Variants in KCND3 observed in about 807,000 individuals in gnomAD.
KCND3 encodes the protein A-type voltage-gated potassium channel KCND3.
Under a neutral mutation model 51.1 loss-of-function variants are expected in KCND3, and 9 were observed. The ratio of observed to expected loss-of-function variants is 0.18; its 90% CI spans 0.11 to 0.31. KCND3 has a LOEUF of 0.31. Ranked by LOEUF, KCND3 falls within the 10% of genes least tolerant of loss-of-function variation. The probability of loss-of-function intolerance (pLI) is 1.00; values close to 1 mark genes in which losing one functional copy is unlikely to be tolerated. For synonymous variants in KCND3, 349 were observed against 368.0 expected (o/e 0.95, Z 0.59); for missense variants, 526 against 903.8 (o/e 0.58, Z 5.36).
chr1:111,959,855 T>C (rs1049539432), intron 2 of KCND3, among the ~76,000 whole-genome samples: 1 of 152,128 alleles, frequency 6.6e-6, no homozygotes, highest in Non-Finnish European at 1.5e-5. Flanking sequence ...TCTTGAATTG[T>C]AGTTCCCGTA....
chr1:111,869,311 C>A (rs548995226), intron 2 of KCND3, among the ~76,000 whole-genome samples: 3 of 152,312 alleles, frequency 2.0e-5, no homozygotes, highest in African/African-American at 7.2e-5. Flanking sequence ...CTCCTGCCAC[C>A]TCTAGGACCC....
chr1:111,857,207 G>C (rs901782096), intron 2 of KCND3, among the ~76,000 whole-genome samples: 2 of 152,224 alleles, frequency 1.3e-5, no homozygotes, highest in African/African-American at 4.8e-5. Flanking sequence ...CAGCAGCCCT[G>C]TATGGTTTCT....
At chr1:111,975,253 G>A (rs1055411050) in intron 2 of KCND3, among the ~76,000 whole-genome samples, 3 of 152,182 alleles carry the variant, frequency 2.0e-5, no homozygotes, top group Non-Finnish European at 2.9e-5. Flanking sequence ...GCTCTGGCTG[G>A]TTTGTTACAT....
At chr1:111,851,361 G>A (rs940583499) in intron 2 of KCND3, among the ~76,000 whole-genome samples, 19 of 152,218 alleles carry the variant, frequency 1.2e-4, no homozygotes, top group African/African-American at 4.6e-4. Flanking sequence ...TGAGCGCAGT[G>A]TGAGTCTTCC....
At chr1:111,955,694 G>GT (rs1272567704) in intron 2 of KCND3, among the ~76,000 whole-genome samples, 11 of 152,178 alleles carry the variant, frequency 7.2e-5, no homozygotes, top group African/African-American at 2.2e-4. Context: ...TCCAATAAAG[G>GT]TTTTTTAGAA....
intron 2 of KCND3, among the ~76,000 whole-genome samples, chr1:111,845,020 T>G (rs1667484259): frequency 1.3e-5 from 2 of 152,210 alleles, no homozygotes; most frequent in African/African-American, 4.8e-5. Flanking sequence ...TAGCCCAGGT[T>G]CTTCAGTGCA....
At position 111,960,768 on chromosome 1, in the gene KCND3, G is replaced by A. The variant is rs533848373; in HGVS notation, c.1106+20853C>T. ...ACCCCTTCTCTATTAGGATGGGAAT[G>A]AGCTTAAGTCCTCAGGGATGAGGGG... On this transcript the variant is annotated intron_variant, in intron 2 of 7. Coordinates refer to ENST00000302127, the MANE Select transcript of KCND3 (RefSeq NM_001378969.1). Among the ~76,000 whole-genome samples, 5 of 152,364 alleles carry A rather than the reference G, an allele frequency of 3.3e-5. No individual in the cohort carries two copies. In the East Asian group the frequency reaches 5.8e-4, roughly 18 times the overall value.
chr1:111,982,298 G>A lies in KCND3; in HGVS notation c.429C>T (p.Asn143=), dbSNP rs1447033826. The A allele has an allele frequency of 5.0e-6, 8 of 1,613,994 alleles. No individual in the cohort carries two copies. The highest frequency in any genetic ancestry group is 2.7e-5 in the African/African-American group (2 of 74,898). Residue 143 remains asparagine, a synonymous_variant, in exon 2 of 8, where the codon AAC becomes AAT. Transcript: ENST00000302127. The surrounding 1 kb of genome is among the most constrained non-coding windows in gnomAD (Gnocchi z 8.5). ...YEEYKDRKRE[N]AERLMDDNDS... is the part of the protein sequence containing the mutation. ...CGTTGTCGTCCATGAGCCGCTCGGCGTTCTCCCTCTTGCGGTCCTTGTACT... is the reference window on the plus strand; with the variant it reads ...CGTTGTCGTCCATGAGCCGCTCGGCATTCTCCCTCTTGCGGTCCTTGTACT...
At chr1:111,975,859 T>C (rs1190036960) in intron 2 of KCND3, among the ~76,000 whole-genome samples, 2 of 152,200 alleles carry the variant, frequency 1.3e-5, no homozygotes, top group Non-Finnish European at 2.9e-5. Flanking sequence ...TTGCATCTGC[T>C]ATTCCCTCTG....
chr1:111,966,981 A>C (rs1341694120), intron 2 of KCND3, among the ~76,000 whole-genome samples: 3 of 151,972 alleles, frequency 2.0e-5, no homozygotes, highest in Non-Finnish European at 4.4e-5. Flanking sequence ...TCACTACTAA[A>C]AATACAAAAA....
intron 1 of KCND3, chr1:111,988,786 G>C (rs1293087526): frequency 2.0e-5 from 3 of 152,162 alleles, no homozygotes; most frequent in Non-Finnish European, 4.4e-5. Context: ...TGGAACCTCA[G>C]CCTGTTGCTG....
At chr1:111,805,416 C>G (rs960436208) in intron 2 of KCND3, among the ~76,000 whole-genome samples, 10 of 152,222 alleles carry the variant, frequency 6.6e-5, no homozygotes, top group Non-Finnish European at 1.5e-4. Context: ...TTGCCTCAGT[C>G]TGGCTGCACT....
chr1:111,893,437 C>G (rs1669944355), intron 2 of KCND3, among the ~76,000 whole-genome samples: 1 of 152,036 alleles, frequency 6.6e-6, no homozygotes, highest in African/African-American at 2.4e-5. Flanking sequence ...GAATGATGGC[C>G]TTGGTAGGAG....
intron 2 of KCND3, among the ~76,000 whole-genome samples, chr1:111,805,970 A>G (rs2618038): frequency 0.72 from 109,413 of 152,100 alleles, 40,622 homozygotes; most frequent in East Asian, 0.93. Context: ...GGTGAGCCAG[A>G]GGAACACTGT....
At chr1:111,912,644 G>A (rs1000848939) in intron 2 of KCND3, among the ~76,000 whole-genome samples, 5 of 152,208 alleles carry the variant, frequency 3.3e-5, no homozygotes, top group African/African-American at 1.2e-4. Context: ...GGGACAAGAT[G>A]TAGAGGTGGA....
chr1:111,840,596 T>C (rs1406345238), intron 2 of KCND3, among the ~76,000 whole-genome samples: 2 of 152,008 alleles, frequency 1.3e-5, no homozygotes, highest in African/African-American at 4.8e-5. Flanking sequence ...TTGTAAGTCA[T>C]TGTTTTTGAT....
intron 2 of KCND3, among the ~76,000 whole-genome samples, chr1:111,790,751 T>C (rs1366165881): frequency 3.9e-5 from 6 of 152,222 alleles, no homozygotes. Flanking sequence ...CCTCTCAGAC[T>C]TAGGCAACCA....
intron 2 of KCND3, among the ~76,000 whole-genome samples, chr1:111,882,755 G>T (rs1210110942): frequency 6.6e-6 from 1 of 152,154 alleles, no homozygotes; most frequent in Admixed American, 6.5e-5. Flanking sequence ...CTGGGGGTGG[G>T]AGCCGCAGCT....
At chr1:111,882,662 G>A (rs1465986783) in intron 2 of KCND3, among the ~76,000 whole-genome samples, 1 of 152,156 alleles carries the variant, frequency 6.6e-6, no homozygotes, top group African/African-American at 2.4e-5. Context: ...GATGGGAGGA[G>A]AGCAGCGGCT....
Sources: gnomAD v4.1 joint callset for allele counts (sites outside exome capture counted in the v4.1 genomes callset) on GRCh38, gnomAD v4.1.1 for gene constraint, Gnocchi (gnomAD v3.1) non-coding constraint, MANE v1.5 for transcripts, NCBI Gene and HGNC (gene_info 2026-07-23, HGNC 2026-07-21) for gene names.